VPS13C: variants seen among roughly 807,000 people sequenced by gnomAD.
VPS13C encodes intermembrane lipid transfer protein VPS13C.
VPS13C carries 358 observed loss-of-function variants against 456.8 expected under a neutral mutation model. The observed-to-expected ratio is 0.78, with a 90% CI of 0.72 to 0.86. The LOEUF (loss-of-function observed/expected upper bound fraction) is 0.86, where lower values mean the gene tolerates loss of function less well. Ranked by LOEUF, VPS13C falls within the 40% of genes least tolerant of loss-of-function variation. VPS13C has a pLI of 0.00. For missense variants in VPS13C, 4,818 were observed against 4,385.4 expected (o/e 1.10, Z -2.79); for synonymous variants, 1,578 against 1,486.7 (o/e 1.06, Z -1.41).
intron 23 of VPS13C, among the ~76,000 whole-genome samples, chr15:61,977,497 G>A (rs2045739870): frequency 6.6e-6 from 1 of 151,758 alleles, no homozygotes; most frequent in Admixed American, 6.6e-5. Context: ...ACAAAGCCCA[G>A]GATCTATTAC....
At position 61,874,886 on chromosome 15, in the gene VPS13C, T is replaced by C; in HGVS notation, c.10404A>G (p.Gly3468=). Residue 3468 remains glycine (G), a synonymous_variant, in exon 77 of 85, where the codon GGA becomes GGG. Coordinates refer to ENST00000644861, the MANE Select transcript of VPS13C (RefSeq NM_020821.3). ...GLVIGVRSLF[G]HTVGGAAGVV... ...ATATGTGATACATACCTACTGTGTG[T>C]CCAAAGAGGCTTCTCACTCCAATCA... 6.3e-7 allele frequency: 1 copy of C among 1,594,484 alleles called. No homozygotes were observed. Among genetic ancestry groups the C allele is most frequent in the Non-Finnish European group, 8.5e-7 (1 of 1,171,508 alleles).
At chr15:61,895,035 A>G (rs2042765474) in intron 66 of VPS13C, among the ~76,000 whole-genome samples, 1 of 152,206 alleles carries the variant, frequency 6.6e-6, no homozygotes, top group Non-Finnish European at 1.5e-5. Context: ...TCTGTCCACA[A>G]TGGAATAAAA....
chr15:62,028,685 C>T (rs1056484165), intron 5 of VPS13C, among the ~76,000 whole-genome samples: 1 of 152,004 alleles, frequency 6.6e-6, no homozygotes, highest in Admixed American at 6.6e-5. Flanking sequence ...ATATCAATTT[C>T]GGCTAACGGC....
chr15:61,900,066 T>G (rs1337471442), intron 66 of VPS13C, among the ~76,000 whole-genome samples: 1 of 152,164 alleles, frequency 6.6e-6, no homozygotes, highest in Non-Finnish European at 1.5e-5. Flanking sequence ...TCAACAACCC[T>G]TCATGCTAAA....
At chr15:61,870,729 C>T (rs561002980) in intron 79 of VPS13C, among the ~76,000 whole-genome samples, 1 of 152,258 alleles carries the variant, frequency 6.6e-6, no homozygotes, top group African/African-American at 2.4e-5. Context: ...AAAATGACTG[C>T]ATTATTTTAC....
rs185582663 is a variant in VPS13C at position 61,962,671 on chromosome 15, T to A, written c.3435+78A>T. 4.1e-4 allele frequency: 542 copies of A among 1,321,044 alleles called. 4 individuals carry two copies. In the East Asian group the frequency reaches 0.01, roughly 25 times the overall value. The allele number at this position is 1,321,044 out of a possible 1,614,324, so 81.8% of individuals were successfully genotyped here. A position where few individuals can be genotyped will look rare whatever the true frequency, so the allele number is the denominator to read the frequency against. On this transcript the variant is annotated intron_variant, in intron 33 of 84. Transcript: ENST00000644861. The stretch of plus-strand genomic sequence containing the variant: ...TTGAAATATATTTCATTAATGTTTT[T>A]AAAATAAAATACATTTTACAATAGA...
intron 2 of VPS13C, among the ~76,000 whole-genome samples, chr15:62,043,831 T>TA (rs1445190461): frequency 6.6e-6 from 1 of 152,152 alleles, no homozygotes; most frequent in Admixed American, 6.5e-5. Flanking sequence ...CTCTTAATAT[T>TA]ACTATAATAA....
At chr15:61,972,550 T>G in intron 27 of VPS13C, 75 bp downstream of exon 27, 1 of 1,508,208 alleles carries the variant, frequency 6.6e-7, no homozygotes, top group Non-Finnish European at 9.0e-7. Flanking sequence ...ACTTGACATT[T>G]GGGTCTAGCT....
intron 67 of VPS13C, 71 bp from the exon 68 acceptor site, chr15:61,884,340 G>C: frequency 6.8e-7 from 1 of 1,461,316 alleles, no homozygotes; most frequent in South Asian, 1.3e-5. Flanking sequence ...TTCAACTCCA[G>C]ATTATTGTAA....
Position 62,060,261 on chromosome 15 carries a change from G to C in VPS13C, c.100+14C>G. 1 of 1,565,226 alleles carries C rather than the reference G, an allele frequency of 6.4e-7. No individual in the cohort carries two copies. Among genetic ancestry groups the C allele is most frequent in the East Asian group, 2.3e-5 (1 of 43,408 alleles). Reference sequence around the variant, plus strand: ...TCAGCGCCCGCAGCCCACTGGCCGCGCCCTCTCGCTTACCGCCCCAGATGC... The same window carrying C: ...TCAGCGCCCGCAGCCCACTGGCCGCCCCCTCTCGCTTACCGCCCCAGATGC... On this transcript the variant is annotated intron_variant, in intron 1 of 84. Coordinates refer to ENST00000644861, the MANE Select transcript of VPS13C (RefSeq NM_020821.3).
chr15:61,920,374 T>C lies in VPS13C; in HGVS notation c.7213-43A>G, dbSNP rs370123393. The C allele has an allele frequency of 5.5e-5, 84 of 1,526,698 alleles. 1 individual carries two copies. The Admixed American group carries it at 9.1e-4, about 17-fold the overall frequency. The allele number at this position is 1,526,698 out of a possible 1,614,324, so 94.6% of individuals were successfully genotyped here. A position where few individuals can be genotyped will look rare whatever the true frequency, so the allele number is the denominator to read the frequency against. The stretch of plus-strand genomic sequence containing the variant: ...ATCACAGTAAAATTTTTGAAAAACA[T>C]ACATTCTTCCCAAAACCTATACCAT... On this transcript the variant is annotated intron_variant, in intron 56 of 84. Transcript: ENST00000644861.
rs1442965578 is a variant in VPS13C, at chr15:61,922,532, TACA to T, written c.6837_6839del (p.Val2280del). On this transcript the variant is annotated inframe_deletion, in exon 54 of 85. Transcript: ENST00000644861. ...ATTCTAAGGTAACTTGAATGGATTC[TACA>T]ACAACACCACAATTTTCCTCTATCA... is the stretch of plus-strand genomic sequence containing the variant. 2 of 1,614,148 alleles carry T rather than the reference TACA, an allele frequency of 1.2e-6. No individual in the cohort carries two copies. Among genetic ancestry groups the T allele is most frequent in the Non-Finnish European group, 1.7e-6 (2 of 1,179,980 alleles).
At chr15:61,886,886 A>C (rs536087267) in intron 67 of VPS13C, among the ~76,000 whole-genome samples, 2 of 152,264 alleles carry the variant, frequency 1.3e-5, no homozygotes, top group Non-Finnish European at 2.9e-5. Context: ...TATGATAAAA[A>C]CTCTGAGACA....
At chr15:61,927,668 A>C (rs2043903686) in intron 51 of VPS13C, among the ~76,000 whole-genome samples, 1 of 152,168 alleles carries the variant, frequency 6.6e-6, no homozygotes, top group African/African-American at 2.4e-5. Context: ...TAGAAATACC[A>C]TTTGACCCAG....
intron 1 of VPS13C, among the ~76,000 whole-genome samples, chr15:62,056,850 C>G (rs1358995780): frequency 6.6e-6 from 1 of 152,248 alleles, no homozygotes; most frequent in Non-Finnish European, 1.5e-5. Flanking sequence ...TCCTCTCTCT[C>G]TCTGCCTCGG....
At chr15:61,865,024 T>G (rs1894445222) in intron 81 of VPS13C, 1 of 984,570 alleles carries the variant, frequency 1.0e-6, no homozygotes, top group Non-Finnish European at 1.2e-6. Context: ...ATCACCATAA[T>G]ACACTTTAGA....
chr15:62,000,565 T>A lies in VPS13C; in HGVS notation c.1352A>T (p.Glu451Val), dbSNP rs769359576. The A allele has an allele frequency of 1.2e-6, 2 of 1,606,810 alleles. No homozygotes were observed. Among genetic ancestry groups the A allele is most frequent in the Non-Finnish European group, 1.7e-6 (2 of 1,177,460 alleles). ...AAATCAGCTAATAAAAATGATTACC[T>A]CAACTTGTGCTTGTTGCCTTGCTAA... Reference protein sequence around the residue: ...IILARQQAQVEVIRSGQKLRK... With the variant: ...IILARQQAQVVVIRSGQKLRK... Residue 451 changes from glutamate to valine, a missense_variant and splice_region_variant, in exon 16 of 85, where the codon GAG (glutamate) becomes GTG (valine). By Grantham distance (121) the Glu-to-Val change is moderately radical (BLOSUM62 -2). Coordinates refer to ENST00000644861, the MANE Select transcript of VPS13C (RefSeq NM_020821.3).
rs151322780 is a variant in VPS13C, at chr15:61,922,548, T to A, written c.6824A>T (p.Asn2275Ile). Residue 2275 changes from asparagine (N) to isoleucine (I), a missense_variant, in exon 54 of 85, where the codon AAT becomes ATT. Transcript: ENST00000644861. Reference protein sequence around the residue: ...KGIEHSLIEENCGVVVESIQV... With the variant: ...KGIEHSLIEEICGVVVESIQV... ...AATGGATTCTACAACAACACCACAA[T>A]TTTCCTCTATCAGTGAATGTTCAAT... The A allele has an allele frequency of 1.2e-6, 2 of 1,613,976 alleles. No individual in the cohort carries two copies. The highest frequency in any genetic ancestry group is 2.7e-5 in the African/African-American group (2 of 74,930).
chr15:62,006,990 C>T (rs1481007238), intron 15 of VPS13C, among the ~76,000 whole-genome samples: 2 of 152,076 alleles, frequency 1.3e-5, no homozygotes, highest in Non-Finnish European at 2.9e-5. Context: ...ACTAACAAAA[C>T]AAGATATATC....
Sources: allele counts gnomAD v4.1 joint callset (sites outside exome capture counted in the v4.1 genomes callset), GRCh38; gene constraint gnomAD v4.1.1; transcripts MANE v1.5; gene names NCBI Gene and HGNC (gene_info 2026-07-23, HGNC 2026-07-21).